The following UBE4B variants were observed in gnomAD, a reference collection of about 807,000 sequenced individuals.
UBE4B encodes the protein ubiquitination factor E4B.
A neutral mutation model predicts 148.1 loss-of-function variants in UBE4B; 27 were observed. The ratio of observed to expected loss-of-function variants is 0.18; its 90% CI spans 0.13 to 0.25. The LOEUF is 0.25. UBE4B is among the 10% of genes least tolerant of loss of function. The probability of loss-of-function intolerance (pLI) is 1.00; values close to 1 mark genes in which losing one functional copy is unlikely to be tolerated. For synonymous variants in UBE4B, 596 were observed against 619.3 expected (o/e 0.96, Z 0.56); for missense variants, 1,170 against 1,662.4 (o/e 0.70, Z 5.15).
intron 1 of UBE4B, among the ~76,000 whole-genome samples, chr1:10,071,608 C>T (rs570290846): frequency 3.9e-5 from 6 of 151,954 alleles, no homozygotes; most frequent in East Asian, 1.9e-4. Context: ...ATATGCTTAC[C>T]GTAAATTCGC....
In UBE4B at chr1:10,105,744, G is replaced by A; in HGVS notation, c.809G>A (p.Ser270Asn). The change falls in exon 6 of 28, where the codon AGC (serine) becomes AAC (asparagine). Residue 270 changes from serine (S) to asparagine (N), a missense_variant and splice_region_variant. Physicochemically the swap from Ser to Asn is conservative, Grantham distance 46. Around this residue, in one of 6 missense-constraint regions of UBE4B, gnomAD observed 214 missense variants for 209.1 expected, o/e 1.02. Coordinates refer to ENST00000343090, the MANE Select transcript of UBE4B (RefSeq NM_001105562.3). ...VASFGASSLSSLYESSPAPTP... is the reference protein window; with the variant it reads ...VASFGASSLSNLYESSPAPTP... ...TCCTTTGGTGCCAGCTCTTTGTCTAGGTCAGTGTGGTTCTCTTTGCACATC... is the reference window on the plus strand; with the variant it reads ...TCCTTTGGTGCCAGCTCTTTGTCTAAGTCAGTGTGGTTCTCTTTGCACATC... 6.2e-7 allele frequency: 1 copy of A among 1,613,044 alleles called. No homozygotes were observed. The highest frequency in any genetic ancestry group is 8.5e-7 in the Non-Finnish European group (1 of 1,179,918).
Position 10,082,632 on chromosome 1 carries a change from CTTTTTT to C in UBE4B, c.211+10438_211+10443del, listed in dbSNP as rs5772395. Among the ~76,000 whole-genome samples, 584 of 105,900 alleles carry C rather than the reference CTTTTTT, an allele frequency of 5.5e-3. 2 individuals carry two copies. The highest frequency in any genetic ancestry group is 0.02 in the African/African-American group (556 of 27,310). The allele number at this position is 105,900 out of a possible 152,430, so 69.5% of individuals were successfully genotyped here. A position where few individuals can be genotyped will look rare whatever the true frequency, so the allele number is the denominator to read the frequency against. ...ACTGTAGGTCCTATTAAGAAGGCGACTTTTTTTTTTTTTTTTTTTTTTTTTACTTTA... is the reference window on the plus strand; with the variant it reads ...ACTGTAGGTCCTATTAAGAAGGCGACTTTTTTTTTTTTTTTTTTTACTTTA... On this transcript the variant is annotated intron_variant, in intron 2 of 27. Transcript: ENST00000343090.
chr1:10,037,316 T>C (rs892494334), intron 1 of UBE4B, among the ~76,000 whole-genome samples: 1 of 151,542 alleles, frequency 6.6e-6, no homozygotes, highest in African/African-American at 2.4e-5. Context: ...CATGAGCCAC[T>C]GTGCCCGGTA....
chr1:10,177,540 C>T (rs1412342525), intron 25 of UBE4B, among the ~76,000 whole-genome samples: 4 of 152,018 alleles, frequency 2.6e-5, no homozygotes, highest in Non-Finnish European at 5.9e-5. Flanking sequence ...CCTGTAGTCC[C>T]AGCTACTTGG....
In UBE4B at chr1:10,067,789, G is replaced by A. The variant is rs6679221; in HGVS notation, c.25-4239G>A. Among the ~76,000 whole-genome samples, 702 of 152,066 alleles carry A rather than the reference G, an allele frequency of 4.6e-3. 3 individuals are homozygous for A. Among genetic ancestry groups the A allele is most frequent in the Middle Eastern group, 0.01 (3 of 294 alleles). On this transcript the variant is annotated intron_variant, in intron 1 of 27. Coordinates refer to ENST00000343090, the MANE Select transcript of UBE4B (RefSeq NM_001105562.3). The stretch of plus-strand genomic sequence containing the variant: ...ATGGCCCAGGCTGGAGTGCAATGGC[G>A]TGATCTCAGCTCACTGCAAGCTCCG...
intron 1 of UBE4B, among the ~76,000 whole-genome samples, chr1:10,063,300 AC>A (rs1178635457): frequency 6.6e-6 from 1 of 152,150 alleles, no homozygotes; most frequent in Non-Finnish European, 1.5e-5. Flanking sequence ...GATGTCGGCA[AC>A]CTGTAGGACA....
chr1:10,177,075 C>T (rs1173156944), intron 25 of UBE4B, among the ~76,000 whole-genome samples: 2 of 151,636 alleles, frequency 1.3e-5, no homozygotes, highest in Non-Finnish European at 2.9e-5. Flanking sequence ...GCGTGAGCCA[C>T]CGCGCCCAAC....
intron 1 of UBE4B, among the ~76,000 whole-genome samples, chr1:10,057,487 A>T (rs1644196764): frequency 7.2e-6 from 1 of 139,028 alleles, no homozygotes. Flanking sequence ...CGTGATCATG[A>T]CTCACTGCAG....
chr1:10,129,321 G>C (rs1009761220), intron 11 of UBE4B, 71 bp from the exon 12 acceptor site: 2 of 1,462,700 alleles, frequency 1.4e-6, no homozygotes, highest in Admixed American at 3.4e-5. Flanking sequence ...AGTTAAAACT[G>C]TTTCTTTATG....
chr1:10,092,372 A>C (rs1005748726), intron 2 of UBE4B, among the ~76,000 whole-genome samples: 1 of 151,940 alleles, frequency 6.6e-6, no homozygotes, highest in Non-Finnish European at 1.5e-5. Context: ...CTACAGGTGC[A>C]TGCCGCCACG....
At chr1:10,171,943 T>C (rs1646345449) in intron 25 of UBE4B, among the ~76,000 whole-genome samples, 1 of 152,218 alleles carries the variant, frequency 6.6e-6, no homozygotes, top group Non-Finnish European at 1.5e-5. Context: ...TTTGGCGCTC[T>C]GAGCCCTCTC....
intron 1 of UBE4B, among the ~76,000 whole-genome samples, chr1:10,062,921 A>C (rs1468766603): frequency 2.7e-5 from 4 of 149,822 alleles, no homozygotes; most frequent in Non-Finnish European, 5.9e-5. Context: ...GCACCATTGC[A>C]CTCCAGCCTG....
chr1:10,161,999 C>CTTTTCTTTTTTTTTTTTTTTT lies in UBE4B; in HGVS notation c.3198+717_3198+718insCTTTTTTTTTTTTTTTTTTTT, dbSNP rs1553154002. On this transcript the variant is annotated intron_variant, in intron 23 of 27. Transcript: ENST00000343090. This position sits in a 1 kb window ranked among gnomAD's most constrained non-coding sequence, Gnocchi z 4.1. ...GGGGACTGCTTTTTCTTCACTTTTT[C>CTTTTCTTTTTTTTTTTTTTTT]TTTTTTTTTTTTTTTTGAGACGGAG... 2.9e-5 allele frequency among the ~76,000 whole-genome samples: 4 copies of CTTTTCTTTTTTTTTTTTTTTT among 137,260 alleles called. No homozygotes were observed. Among genetic ancestry groups the CTTTTCTTTTTTTTTTTTTTTT allele is most frequent in the Admixed American group, 7.3e-5 (1 of 13,652 alleles). 90.0% of individuals were successfully genotyped at this position (137,260 alleles called of 152,430 possible).
chr1:10,083,498 T>C (rs1022367944), intron 2 of UBE4B, among the ~76,000 whole-genome samples: 1 of 152,238 alleles, frequency 6.6e-6, no homozygotes, highest in Non-Finnish European at 1.5e-5. Flanking sequence ...TGGCTAAGAA[T>C]GCTATCCACA....
At chr1:10,084,939 A>G (rs1644742615) in intron 2 of UBE4B, among the ~76,000 whole-genome samples, 1 of 151,822 alleles carries the variant, frequency 6.6e-6, no homozygotes, top group Admixed American at 6.6e-5. Context: ...CCTGGGGCCT[A>G]GCGATCCCCC....
At chr1:10,049,680 C>T (rs930473788) in intron 1 of UBE4B, among the ~76,000 whole-genome samples, 2 of 151,988 alleles carry the variant, frequency 1.3e-5, no homozygotes, top group Admixed American at 6.6e-5. Flanking sequence ...GTGGGCAGAT[C>T]ACTTGAGTCC....
At chr1:10,138,646 C>A (rs1002116331) in intron 17 of UBE4B, among the ~76,000 whole-genome samples, 1 of 151,252 alleles carries the variant, frequency 6.6e-6, no homozygotes, top group Admixed American at 6.6e-5. Context: ...CTTTTTTTTT[C>A]ATGCCTTAGT....
At chr1:10,129,806 A>T (rs1645562643) in intron 12 of UBE4B, among the ~76,000 whole-genome samples, 1 of 151,950 alleles carries the variant, frequency 6.6e-6, no homozygotes, top group Non-Finnish European at 1.5e-5. Flanking sequence ...ATGCATTACC[A>T]TGCGAGGCTA....
chr1:10,132,283 A>T (rs1237149662), intron 14 of UBE4B, 86 bp from the exon 15 acceptor site: 3 of 938,990 alleles, frequency 3.2e-6, no homozygotes, highest in Non-Finnish European at 4.9e-6. Context: ...AGAACGTGGG[A>T]AGTAGGCTAG....
Sources: allele counts gnomAD v4.1 joint callset (sites outside exome capture counted in the v4.1 genomes callset), GRCh38; gene constraint gnomAD v4.1.1; regional missense constraint gnomAD v4.1.1; non-coding constraint Gnocchi (gnomAD v3.1); transcripts MANE v1.5; gene names NCBI Gene and HGNC (gene_info 2026-07-23, HGNC 2026-07-21).